ABHD18: variants seen among roughly 807,000 people sequenced by gnomAD.
ABHD18 encodes the protein cardiolipin-specific deacylase, mitochondrial.
Under a neutral mutation model 65.9 loss-of-function variants are expected in ABHD18, and 55 were observed. The observed-to-expected ratio is 0.84, with a 90% CI of 0.67 to 1.05. The LOEUF is 1.05. ABHD18 is among the 50% of genes least tolerant of loss of function. ABHD18 has a pLI of 0.00. For missense variants in ABHD18, 533 were observed against 558.5 expected (o/e 0.95, Z 0.46); for synonymous variants, 181 against 180.2 (o/e 1.00, Z -0.04).
At chr4:128,003,301 G>A (rs775376685) in intron 4 of ABHD18, among the ~76,000 whole-genome samples, 26 of 151,728 alleles carry the variant, frequency 1.7e-4, no homozygotes, top group Non-Finnish European at 3.4e-4. Flanking sequence ...CCAGGAGGTG[G>A]AGGTTGCAGT....
At chr4:128,012,041 G>C (rs957403065) in intron 7 of ABHD18, among the ~76,000 whole-genome samples, 1 of 151,276 alleles carries the variant, frequency 6.6e-6, no homozygotes, top group African/African-American at 2.4e-5. Context: ...GCACTGGTGC[G>C]ATCTCAGCTC....
rs1461660341 is a variant in ABHD18 at position 128,038,581 on chromosome 4, A to G, written c.*2768A>G. 6.6e-6 allele frequency: 1 copy of G among 152,148 alleles called. No individual in the cohort carries two copies. The highest frequency in any genetic ancestry group is 1.9e-4 in the East Asian group (1 of 5,194). The allele number at this position is 152,148 out of a possible 1,614,324, so 9.4% of individuals were successfully genotyped here. ...AAGTATTTTTAAAATTTCATCTCTT[A>G]ACCAGATGTTTTAAGAATATATCCC... On this transcript the variant is annotated 3_prime_UTR_variant, in exon 13 of 13. Transcript: ENST00000645843.
chr4:127,965,528 A>G lies in ABHD18; in HGVS notation c.-96A>G. ...GCGATTGGGGCTGGGACCAAAGTTGAGTCCTGGAAAGGGAGCCTGGAGAGC... is the reference window on the plus strand; with the variant it reads ...GCGATTGGGGCTGGGACCAAAGTTGGGTCCTGGAAAGGGAGCCTGGAGAGC... On this transcript the variant is annotated 5_prime_UTR_variant, in exon 1 of 13. Transcript: ENST00000645843. 2 of 305,272 alleles carry G rather than the reference A, an allele frequency of 6.6e-6. No homozygotes were observed. 18.9% of individuals were successfully genotyped at this position (305,272 alleles called of 1,614,324 possible). A position where few individuals can be genotyped will look rare whatever the true frequency, so the allele number is the denominator to read the frequency against.
intron 4 of ABHD18, among the ~76,000 whole-genome samples, chr4:128,003,326 C>T (rs1753009551): frequency 6.6e-6 from 1 of 151,328 alleles, no homozygotes; most frequent in Non-Finnish European, 1.5e-5. Flanking sequence ...CGAGATCGCG[C>T]CACTGTACTC....
In ABHD18 at chr4:128,028,779, A is replaced by G; in HGVS notation, c.1106A>G (p.Asn369Ser). 6.2e-7 allele frequency: 1 copy of G among 1,611,822 alleles called. No individual in the cohort carries two copies. The highest frequency in any genetic ancestry group is 8.5e-7 in the Non-Finnish European group (1 of 1,179,360). Residue 369 changes from asparagine to serine, a missense_variant, in exon 11 of 13, where the codon AAC (asparagine) becomes AGC (serine). This residue lies in a region of ABHD18 where 220 missense variants were observed against 226.8 expected (regional missense o/e 0.97). Coordinates refer to ENST00000645843, the MANE Select transcript of ABHD18 (RefSeq NM_001358451.3). ...YHLLSKEQSR[N>S]SLRKESLIFM... ...CTACTTAGTAAAGAACAAAGCAGAAACAGTCTTCGGAAAGAGTCTTTAATA... is the reference window on the plus strand; with the variant it reads ...CTACTTAGTAAAGAACAAAGCAGAAGCAGTCTTCGGAAAGAGTCTTTAATA...
Position 128,005,188 on chromosome 4 carries a change from C to A in ABHD18, c.279-3732C>A, listed in dbSNP as rs527946618. Among the ~76,000 whole-genome samples the A allele has an allele frequency of 4.6e-5, 7 of 152,314 alleles. No homozygotes were observed. In the South Asian group the frequency reaches 1.4e-3, roughly 32 times the overall value. The stretch of plus-strand genomic sequence containing the variant: ...AGGTTGCAGTGAGCTGTGATCATAC[C>A]ACTGCACTCCGGCTTTTGCAACCAG... On this transcript the variant is annotated intron_variant, in intron 4 of 12. Transcript: ENST00000645843.
intron 4 of ABHD18, among the ~76,000 whole-genome samples, chr4:128,000,175 G>A (rs1752429297): frequency 6.6e-6 from 1 of 152,128 alleles, no homozygotes; most frequent in Admixed American, 6.5e-5. Flanking sequence ...ATGAGATTTG[G>A]GTGGGGACAC....
At chr4:127,997,035 C>A (rs928023894) in intron 4 of ABHD18, among the ~76,000 whole-genome samples, 2 of 151,842 alleles carry the variant, frequency 1.3e-5, no homozygotes, top group Admixed American at 6.6e-5. Flanking sequence ...ACGAAGATAA[C>A]GTGATTAAGA....
chr4:128,003,359 T>A, intron 4 of ABHD18, among the ~76,000 whole-genome samples: 1 of 147,094 alleles, frequency 6.8e-6, no homozygotes. Flanking sequence ...CAGAGTGAGA[T>A]GCTGTCTCAA....
chr4:128,017,274 C>T (rs1755672868), intron 7 of ABHD18, 89 bp from the exon 8 acceptor site: 1 of 1,230,890 alleles, frequency 8.1e-7, no homozygotes, highest in South Asian at 1.4e-5. Flanking sequence ...AGAAGAGATG[C>T]ATGAAGTCTG....
chr4:127,983,186 C>A, intron 2 of ABHD18, 139 bp downstream of exon 2: 1 of 561,702 alleles, frequency 1.8e-6, no homozygotes, highest in Non-Finnish European at 3.0e-6. Flanking sequence ...TAATTATTTC[C>A]TTTTTACTTT....
intron 7 of ABHD18, among the ~76,000 whole-genome samples, chr4:128,014,385 C>A (rs1372832139): frequency 2.0e-5 from 3 of 152,060 alleles, no homozygotes; most frequent in East Asian, 1.9e-4. Flanking sequence ...TTATTTAGGT[C>A]TAGTGAGAGG....
chr4:127,976,128 A>G (rs1397064942), intron 1 of ABHD18, among the ~76,000 whole-genome samples: 1 of 151,928 alleles, frequency 6.6e-6, no homozygotes, highest in African/African-American at 2.4e-5. Flanking sequence ...TGTAATTTTA[A>G]TCTAGTGATT....
At chr4:127,979,876 A>T (rs191180589) in intron 1 of ABHD18, among the ~76,000 whole-genome samples, 1 of 144,354 alleles carries the variant, frequency 6.9e-6, no homozygotes, top group East Asian at 2.2e-4. Context: ...AGATTGTGCC[A>T]CTGCACTCCA....
Position 127,972,650 on chromosome 4 carries a change from C to A in ABHD18, c.-18+7044C>A, listed in dbSNP as rs111443629. Among the ~76,000 whole-genome samples the A allele has an allele frequency of 1.6e-3, 248 of 150,920 alleles. 4 individuals are homozygous for A. The highest frequency in any genetic ancestry group is 5.5e-3 in the African/African-American group (225 of 41,030). ...TGAACTCCTGACTTCAAGTGATCCA[C>A]CTGCCTTGGCTTCTCAAAGTGCTGG... On this transcript the variant is annotated intron_variant, in intron 1 of 12. Transcript: ENST00000645843.
chr4:128,017,407 G>A lies in ABHD18; in HGVS notation c.515G>A (p.Gly172Glu), dbSNP rs777781413. 24 of 1,613,702 alleles carry A rather than the reference G, an allele frequency of 1.5e-5. No individual in the cohort carries two copies. Among genetic ancestry groups the A allele is most frequent in the Non-Finnish European group, 2.0e-5 (24 of 1,179,836 alleles). ...KNVSDLFVMG[G>E]ALVLESAALL... ...GTGTCCGACCTTTTTGTGATGGGAG[G>A]AGCTCTTGTTTTAGAATCTGCAGCT... The change falls in exon 8 of 13, where the codon GGA becomes GAA. Residue 172 changes from glycine (G) to glutamate (E), a missense_variant. Gly to Glu is a moderately conservative substitution (Grantham distance 98). Transcript: ENST00000645843.
At chr4:127,966,170 G>A (rs1745296722) in intron 1 of ABHD18, 1 of 152,158 alleles carries the variant, frequency 6.6e-6, no homozygotes. Context: ...TGGTGGTTAT[G>A]TATTAACATC....
chr4:127,976,060 C>T (rs868537394), intron 1 of ABHD18, among the ~76,000 whole-genome samples: 4 of 152,118 alleles, frequency 2.6e-5, no homozygotes, highest in African/African-American at 4.8e-5. Flanking sequence ...TCAAGTGATC[C>T]GCCTGCCTCA....
chr4:128,013,450 C>T (rs1754922993), intron 7 of ABHD18, among the ~76,000 whole-genome samples: 1 of 152,138 alleles, frequency 6.6e-6, no homozygotes, highest in Admixed American at 6.6e-5. Flanking sequence ...CCTGTAATCC[C>T]AGCACTTTGG....
Sources: allele counts gnomAD v4.1 joint callset (sites outside exome capture counted in the v4.1 genomes callset), GRCh38; gene constraint gnomAD v4.1.1; regional missense constraint gnomAD v4.1.1; transcripts MANE v1.5; gene names NCBI Gene and HGNC (gene_info 2026-07-23, HGNC 2026-07-21).